MYO15A: variants seen among roughly 807,000 people sequenced by gnomAD.
MYO15A encodes myosin XVA, also known as unconventional myosin-XV.
In MYO15A, 308 loss-of-function variants were observed where a neutral mutation model predicts 394.6. That is an observed-to-expected ratio of 0.78 (90% CI 0.71 to 0.86). The LOEUF is 0.86. Among genes scored for constraint, MYO15A ranks in the 40% least tolerant of loss-of-function variants. The pLI is 0.00. For missense variants in MYO15A, 4,606 were observed against 4,799.1 expected (o/e 0.96, Z 1.19); for synonymous variants, 1,957 against 2,003.8 (o/e 0.98, Z 0.62).
chr17:18,168,287 C>T (rs138316193), intron 62 of MYO15A, among the ~76,000 whole-genome samples: 47 of 151,826 alleles, frequency 3.1e-4, no homozygotes, highest in Admixed American at 1.1e-3. Flanking sequence ...GTCTTGTGGC[C>T]GGGCGCGGTC....
chr17:18,161,101 G>A, intron 56 of MYO15A: 1 of 705,176 alleles, frequency 1.4e-6, no homozygotes, highest in Admixed American at 2.0e-5. Flanking sequence ...CCCTACCTGG[G>A]GAAGATGTCT....
intron 58 of MYO15A, 135 bp from the exon 59 acceptor site, chr17:18,163,109 C>T (rs986431739): frequency 1.0e-5 from 9 of 896,198 alleles, no homozygotes; most frequent in Admixed American, 8.5e-5. Context: ...AGGCCCTGCG[C>T]GGTCCAGGTG....
intron 62 of MYO15A, 88 bp downstream of exon 62, chr17:18,167,811 C>T: frequency 1.3e-6 from 2 of 1,569,720 alleles, no homozygotes; most frequent in South Asian, 2.3e-5. Context: ...GCTGGCAGTC[C>T]CCAGGCCCTC....
Position 18,148,223 on chromosome 17 carries a change from C to A in MYO15A, c.6691+13C>A, listed in dbSNP as rs1429985598. Reference sequence around the variant, plus strand: ...GGCTGCTTCAATGGTAAGCTGCCTTCCCCCACCTCAGTGAGGGCAGTGGGA... The same window carrying A: ...GGCTGCTTCAATGGTAAGCTGCCTTACCCCACCTCAGTGAGGGCAGTGGGA... On this transcript the variant is annotated intron_variant, in intron 31 of 65. Transcript: ENST00000647165. This position sits in a 1 kb window ranked among gnomAD's most constrained non-coding sequence, Gnocchi z 4.8. 6.2e-7 allele frequency: 1 copy of A among 1,613,240 alleles called. No individual in the cohort carries two copies. The highest frequency in any genetic ancestry group is 1.7e-5 in the Admixed American group (1 of 60,016).
chr17:18,129,194 T>A (rs976135185), intron 7 of MYO15A, among the ~76,000 whole-genome samples: 2 of 152,250 alleles, frequency 1.3e-5, no homozygotes, highest in African/African-American at 4.8e-5. Flanking sequence ...TCATATGTCC[T>A]CACTGGAGCC....
rs368611576 is a variant in MYO15A, at chr17:18,121,941, C to G, written c.3141C>G (p.Pro1047=). The change falls in exon 2 of 66, where the codon CCC becomes CCG. Residue 1047 remains proline (P), a synonymous_variant. Coordinates refer to ENST00000647165, the MANE Select transcript of MYO15A (RefSeq NM_016239.4). The surrounding 1 kb of genome is among the most constrained non-coding windows in gnomAD (Gnocchi z 5.3). ...CTCCCCCCAAGGATATCACTCCCCCCAAGGATGTCCTCCCAGAGCAAAAGA... is the reference window on the plus strand; with the variant it reads ...CTCCCCCCAAGGATATCACTCCCCCGAAGGATGTCCTCCCAGAGCAAAAGA... ...DVTPPKDITP[P]KDVLPEQKTL... The G allele has an allele frequency of 3.8e-5, 61 of 1,613,432 alleles. 1 individual carries two copies. The African/African-American group carries it at 4.9e-4, about 13-fold the overall frequency.
chr17:18,169,742 AAATT>A (rs1014897846), intron 62 of MYO15A: 3 of 152,218 alleles, frequency 2.0e-5, no homozygotes, highest in Non-Finnish European at 2.9e-5. Context: ...TTAAAAATAA[AAATT>A]AACCCACTAA....
chr17:18,130,870 G>C, intron 8 of MYO15A, 60 bp downstream of exon 8: 2 of 1,439,638 alleles, frequency 1.4e-6, no homozygotes, highest in Non-Finnish European at 1.9e-6. Context: ...GTGTGTGTGT[G>C]TCTGTCCAGG....
chr17:18,178,200 T>G (rs1262541390), intron 65 of MYO15A: 1 of 183,826 alleles, frequency 5.4e-6, no homozygotes, highest in African/African-American at 2.4e-5. Flanking sequence ...TGAAACCCCG[T>G]CTCTACTAAA....
At chr17:18,167,503 T>C in intron 61 of MYO15A, 87 bp from the exon 62 acceptor site, 1 of 1,587,934 alleles carries the variant, frequency 6.3e-7, no homozygotes, top group South Asian at 1.1e-5. Context: ...GCTGCAATCA[T>C]TAAACATGCA....
In MYO15A at chr17:18,148,870, C is replaced by A; in HGVS notation, c.6874C>A (p.Leu2292Met). The A allele has an allele frequency of 6.2e-7, 1 of 1,607,656 alleles. No individual in the cohort carries two copies. Among genetic ancestry groups the A allele is most frequent in the South Asian group, 1.1e-5 (1 of 89,652 alleles). The change falls in exon 33 of 66, where the codon CTG (leucine) becomes ATG (methionine). Residue 2292 changes from leucine (L) to methionine (M), a missense_variant. Leu to Met is a conservative substitution (Grantham distance 15). Around this residue, in one of 2 missense-constraint regions of MYO15A, gnomAD observed 2,776 missense variants for 3,109.3 expected, o/e 0.89. Transcript: ENST00000647165. This position sits in a 1 kb window ranked among gnomAD's most constrained non-coding sequence, Gnocchi z 4.8. ...GTTAGACCTGGTGTCGGACCTGGAG[C>A]TGCTCAGGGACTTCCCTCGACAGAA... ...YVLDLVSDLELLRDFPRQKSY... is the reference protein window; with the variant it reads ...YVLDLVSDLEMLRDFPRQKSY...
In MYO15A at chr17:18,142,624, T is replaced by C. The variant is rs540050493; in HGVS notation, c.5826-132T>C. ...CCCCTCTCTGAGCTCCAGTTTCCCT[T>C]TGAGCCAAAGGACCCCAAAAGTGAG... On this transcript the variant is annotated intron_variant, in intron 24 of 65. Transcript: ENST00000647165. The C allele has an allele frequency of 6.8e-5, 54 of 789,984 alleles. 1 individual carries two copies. In the Middle Eastern group the frequency reaches 8.3e-4, roughly 12 times the overall value. The allele number at this position is 789,984 out of a possible 1,614,324, so 48.9% of individuals were successfully genotyped here.
chr17:18,151,364 A>C (rs1401674074), intron 39 of MYO15A, 31 bp from the exon 40 acceptor site: 1 of 1,613,938 alleles, frequency 6.2e-7, no homozygotes, highest in South Asian at 1.1e-5. Context: ...TTGTGGCCTC[A>C]CCCTGTTCCC....
intron 2 of MYO15A, 105 bp downstream of exon 2, chr17:18,122,514 T>G (rs1042860217): frequency 1.4e-6 from 2 of 1,459,324 alleles, no homozygotes; most frequent in Non-Finnish European, 1.8e-6. Context: ...AGAGGCTGCT[T>G]GCTGGGGCCT....
chr17:18,121,029 C>G lies in MYO15A; in HGVS notation c.2229C>G (p.Pro743=). ...PDLLAFPGPR[P]SFRGSRRRGA... ...TACTAGCCTTCCCAGGGCCCCGACC[C>G]TCGTTCAGGGGCTCCCGCCGGAGAG... is the stretch of plus-strand genomic sequence containing the variant. Residue 743 remains proline (P), a synonymous_variant, in exon 2 of 66, where the codon CCC becomes CCG. Transcript: ENST00000647165. This position sits in a 1 kb window ranked among gnomAD's most constrained non-coding sequence, Gnocchi z 5.3. The G allele has an allele frequency of 2.6e-6, 4 of 1,509,876 alleles. No individual in the cohort carries two copies. The highest frequency in any genetic ancestry group is 3.5e-6 in the Non-Finnish European group (4 of 1,133,868). The allele number at this position is 1,509,876 out of a possible 1,614,324, so 93.5% of individuals were successfully genotyped here.
chr17:18,156,144 A>C, intron 47 of MYO15A, 51 bp from the exon 48 acceptor site: 1 of 1,613,080 alleles, frequency 6.2e-7, no homozygotes, highest in Non-Finnish European at 8.5e-7. Flanking sequence ...CAATAGGTGG[A>C]AGGAGGGCAT....
intron 60 of MYO15A, chr17:18,165,065 T>C (rs1597818073): frequency 7.4e-6 from 1 of 134,412 alleles, no homozygotes; most frequent in Admixed American, 8.5e-5. Flanking sequence ...AGATCGTGCC[T>C]GGGCAACAAG....
At chr17:18,162,059 C>G (rs982635669) in intron 57 of MYO15A, among the ~76,000 whole-genome samples, 3 of 152,174 alleles carry the variant, frequency 2.0e-5, no homozygotes, top group Admixed American at 2.0e-4. Flanking sequence ...AACATTCAAC[C>G]CACAGATGAA....
chr17:18,158,093 A>G (rs2046712581), intron 51 of MYO15A, among the ~76,000 whole-genome samples, 193 bp downstream of exon 51: 1 of 152,078 alleles, frequency 6.6e-6, no homozygotes, highest in Non-Finnish European at 1.5e-5. Context: ...GGGACCAGAG[A>G]TGGTTGGAGG....
Sources: allele counts gnomAD v4.1 joint callset (sites outside exome capture counted in the v4.1 genomes callset), GRCh38; gene constraint gnomAD v4.1.1; regional missense constraint gnomAD v4.1.1; non-coding constraint Gnocchi (gnomAD v3.1); transcripts MANE v1.5; gene names NCBI Gene and HGNC (gene_info 2026-07-23, HGNC 2026-07-21).